TMEM164: variants seen among roughly 807,000 people sequenced by gnomAD.
The protein encoded by TMEM164 is RP13-360B22.2.
In TMEM164, 4 loss-of-function variants were observed where a neutral mutation model predicts 18.8. The ratio of observed to expected loss-of-function variants is 0.21; its 90% CI spans 0.10 to 0.49. The LOEUF (loss-of-function observed/expected upper bound fraction) is 0.49. Ranked by LOEUF, TMEM164 falls within the 20% of genes least tolerant of loss-of-function variation. TMEM164 has a pLI of 0.98. For synonymous variants in TMEM164, 86 were observed against 101.7 expected, an observed-to-expected ratio of 0.85 and a Z score of 0.93; for missense variants, 108 against 239.9, an observed-to-expected ratio of 0.45 and a Z score of 3.63.
At chrX:110,129,082 C>A (rs1461988759) in intron 4 of TMEM164, among the ~76,000 whole-genome samples, 1 of 98,458 alleles carries the variant, frequency 1.0e-5, no homozygotes, top group Non-Finnish European at 2.0e-5. Context: ...CACCTGAGAG[C>A]TGCCAGTCTG....
At chrX:110,114,438 C>T (rs905239281) in intron 4 of TMEM164, among the ~76,000 whole-genome samples, 2 of 111,865 alleles carry the variant, frequency 1.8e-5, no homozygotes, top group African/African-American at 6.5e-5. Flanking sequence ...TATCTATACC[C>T]GTGACTTTGC....
intron 2 of TMEM164, chrX:110,020,353 T>A (rs1482459992): frequency 2.7e-6 from 2 of 750,738 alleles, no homozygotes; most frequent in Non-Finnish European, 3.1e-6. Flanking sequence ...GATTTTCAGA[T>A]GTTTGAGATG....
intron 2 of TMEM164, among the ~76,000 whole-genome samples, chrX:110,020,910 G>A (rs1271662101): frequency 2.2e-5 from 2 of 92,551 alleles, no homozygotes; most frequent in Non-Finnish European, 4.1e-5. Flanking sequence ...TGTTCACAAT[G>A]TATTGCTAAA....
intron 4 of TMEM164, among the ~76,000 whole-genome samples, chrX:110,119,669 C>A (rs767895349): frequency 9.0e-6 from 1 of 111,635 alleles, no homozygotes; most frequent in East Asian, 2.8e-4. Flanking sequence ...CCTAACCTTG[C>A]TGACCTAATT....
chrX:110,088,475 G>A, intron 3 of TMEM164, among the ~76,000 whole-genome samples: 2 of 112,270 alleles, frequency 1.8e-5, no homozygotes, highest in South Asian at 7.3e-4. Flanking sequence ...TATTGGCAAA[G>A]GAGAGAAGGC....
chrX:110,101,209 T>C (rs894137628), intron 3 of TMEM164, among the ~76,000 whole-genome samples: 21 of 112,040 alleles, frequency 1.9e-4, no homozygotes, highest in Non-Finnish European at 3.6e-4. Flanking sequence ...TCTTTTATTT[T>C]CTGAACAAGA....
At chrX:110,150,597 A>G (rs2066925371) in intron 5 of TMEM164, among the ~76,000 whole-genome samples, 1 of 112,754 alleles carries the variant, frequency 8.9e-6, no homozygotes, top group Admixed American at 9.4e-5. Context: ...GTTCCCTGCT[A>G]CAACTCCACG....
At chrX:110,013,994 C>T (rs1602470616) in intron 2 of TMEM164, among the ~76,000 whole-genome samples, 1 of 111,761 alleles carries the variant, frequency 8.9e-6, no homozygotes, top group South Asian at 3.7e-4. Context: ...CTTAACCTCT[C>T]TGAGCCTGTG....
chrX:110,105,171 TCCAA>T (rs1405467186), intron 3 of TMEM164, among the ~76,000 whole-genome samples: 1 of 46,112 alleles, frequency 2.2e-5, no homozygotes, highest in Non-Finnish European at 4.1e-5. Flanking sequence ...CTTCCTTCCA[TCCAA>T]CCATCCATCC....
At chrX:110,135,651 TA>T (rs2066680768) in intron 4 of TMEM164, among the ~76,000 whole-genome samples, 2 of 112,317 alleles carry the variant, frequency 1.8e-5, no homozygotes, top group South Asian at 7.2e-4. Flanking sequence ...TTTTATCATT[TA>T]AATTTAGTTA....
intron 5 of TMEM164, among the ~76,000 whole-genome samples, chrX:110,154,316 G>A (rs1044173221): frequency 7.2e-5 from 8 of 111,714 alleles, no homozygotes; most frequent in Non-Finnish European, 7.5e-5. Context: ...ATTCTATTTC[G>A]TATACTTAAA....
At chrX:110,092,489 C>T (rs2065945838) in intron 3 of TMEM164, among the ~76,000 whole-genome samples, 1 of 111,612 alleles carries the variant, frequency 9.0e-6, no homozygotes. Context: ...TGGGAGTTCA[C>T]TCATGATTTG....
chrX:110,098,945 G>A (rs1308260901), intron 3 of TMEM164, among the ~76,000 whole-genome samples: 40 of 103,004 alleles, frequency 3.9e-4, no homozygotes, highest in African/African-American at 1.3e-3. Flanking sequence ...CACCACACCC[G>A]GCTAATTTTT....
rs534209313 is a variant in TMEM164 at position 110,116,446 on chromosome X, A to C, written c.507+7300A>C. Among the ~76,000 whole-genome samples, 5 of 111,989 alleles carry C rather than the reference A, an allele frequency of 4.5e-5. No individual in the cohort carries two copies. In the South Asian group the frequency reaches 1.9e-3, roughly 42 times the overall value. On this transcript the variant is annotated intron_variant, in intron 4 of 6. Transcript: ENST00000372068. ...GCCTTGAGGGATGGTTAGAATGTGCATGCAAATTGCATAGGAAGGAGGCTG... is the reference window on the plus strand; with the variant it reads ...GCCTTGAGGGATGGTTAGAATGTGCCTGCAAATTGCATAGGAAGGAGGCTG...
chrX:110,079,252 A>T (rs1303074976), intron 3 of TMEM164, among the ~76,000 whole-genome samples: 1 of 111,534 alleles, frequency 9.0e-6, no homozygotes, highest in Non-Finnish European at 1.9e-5. Flanking sequence ...TCCCCGGTGA[A>T]GCTTTCCTGG....
chrX:110,054,149 A>G (rs1387419642), intron 2 of TMEM164, among the ~76,000 whole-genome samples: 1 of 111,968 alleles, frequency 8.9e-6, no homozygotes, highest in Non-Finnish European at 1.9e-5. Context: ...AATTTATTTA[A>G]CCTTTCTGTA....
At chrX:110,128,709 G>T (rs1299067390) in intron 4 of TMEM164, among the ~76,000 whole-genome samples, 1 of 111,109 alleles carries the variant, frequency 9.0e-6, no homozygotes, top group African/African-American at 3.3e-5. Context: ...ATCTTTCTTT[G>T]ATATTTTCTA....
chrX:110,128,702 T>G (rs1439489743), intron 4 of TMEM164, among the ~76,000 whole-genome samples: 2 of 112,105 alleles, frequency 1.8e-5, no homozygotes, highest in Non-Finnish European at 3.8e-5. Context: ...TCTCTTAATC[T>G]TTCTTTGATA....
intron 2 of TMEM164, among the ~76,000 whole-genome samples, chrX:110,026,158 C>G (rs940455174): frequency 1.2e-4 from 13 of 112,222 alleles, no homozygotes; most frequent in African/African-American, 2.9e-4. Context: ...CTTCTAATAC[C>G]TCATGAACTT....
Sources: gnomAD v4.1 joint callset for allele counts (sites outside exome capture counted in the v4.1 genomes callset) on GRCh38, gnomAD v4.1.1 for gene constraint, MANE v1.5 for transcripts, NCBI Gene and HGNC (gene_info 2026-07-23, HGNC 2026-07-21) for gene names.